The following MAGI1 variants were observed in gnomAD, a reference collection of about 807,000 sequenced individuals.
MAGI1 encodes membrane associated guanylate kinase, WW and PDZ domain containing 1.
A neutral mutation model predicts 139.9 loss-of-function variants in MAGI1; 58 were observed. The ratio of observed to expected loss-of-function variants is 0.41; its 90% CI spans 0.34 to 0.52. MAGI1 has a LOEUF of 0.52. Among genes scored for constraint, MAGI1 ranks in the 20% least tolerant of loss-of-function variants. MAGI1 has a pLI of 0.12. For missense variants in MAGI1, 1,874 were observed against 1,901.6 expected (o/e 0.99, Z 0.27); for synonymous variants, 812 against 737.9 (o/e 1.10, Z -1.63).
At chr3:65,547,184 C>T (rs11715436) in intron 2 of MAGI1, among the ~76,000 whole-genome samples, 21,235 of 152,134 alleles carry the variant, frequency 0.14, 1,533 homozygotes, top group Admixed American at 0.17. Flanking sequence ...CTGTTTTAAG[C>T]GCATCTCTTA....
At chr3:65,617,498 G>A (rs1215393705) in intron 2 of MAGI1, among the ~76,000 whole-genome samples, 1 of 152,164 alleles carries the variant, frequency 6.6e-6, no homozygotes, top group Non-Finnish European at 1.5e-5. Flanking sequence ...AGGACAAGAA[G>A]TCATAAAACA....
chr3:65,916,858 G>C (rs750855054), intron 1 of MAGI1, among the ~76,000 whole-genome samples: 29 of 151,960 alleles, frequency 1.9e-4, no homozygotes, highest in Non-Finnish European at 3.8e-4. Context: ...GAAATAATGA[G>C]GATAGGAGAA....
At chr3:65,729,971 A>G (rs1233678273) in intron 1 of MAGI1, among the ~76,000 whole-genome samples, 3 of 152,174 alleles carry the variant, frequency 2.0e-5, no homozygotes, top group Non-Finnish European at 2.9e-5. Context: ...CTGTGACTAA[A>G]CATTTTGGGG....
chr3:65,960,008 CG>C (rs1162435084), intron 1 of MAGI1, among the ~76,000 whole-genome samples: 1 of 151,164 alleles, frequency 6.6e-6, no homozygotes, highest in African/African-American at 2.4e-5. Context: ...AGGGTTTTAC[CG>C]TGTTAGCCAG....
chr3:65,944,716 C>T (rs1469818313), intron 1 of MAGI1, among the ~76,000 whole-genome samples: 1 of 152,044 alleles, frequency 6.6e-6, no homozygotes, highest in Non-Finnish European at 1.5e-5. Flanking sequence ...AGAAGTATGA[C>T]CAGCTCACCA....
At chr3:65,654,348 C>T (rs12636781) in intron 1 of MAGI1, among the ~76,000 whole-genome samples, 1 of 152,128 alleles carries the variant, frequency 6.6e-6, no homozygotes, top group Non-Finnish European at 1.5e-5. Flanking sequence ...ATATACAAAA[C>T]TGAGGGCGTA....
At chr3:65,836,026 AT>A (rs2042786144) in intron 1 of MAGI1, among the ~76,000 whole-genome samples, 1 of 151,944 alleles carries the variant, frequency 6.6e-6, no homozygotes, top group Non-Finnish European at 1.5e-5. Flanking sequence ...TGAGGACCCA[AT>A]GTCAAGGCAC....
chr3:65,755,210 A>G (rs2036470402), intron 1 of MAGI1, among the ~76,000 whole-genome samples: 3 of 152,150 alleles, frequency 2.0e-5, no homozygotes, highest in Admixed American at 2.0e-4. Flanking sequence ...AGCCTCCCAA[A>G]GTGCTGGGAT....
chr3:65,697,070 C>T (rs1475056815), intron 1 of MAGI1, among the ~76,000 whole-genome samples: 2 of 152,152 alleles, frequency 1.3e-5, no homozygotes, highest in African/African-American at 2.4e-5. Context: ...GAAATACAAA[C>T]TACCATCAGA....
At chr3:65,413,222 G>T (rs150970508) in intron 12 of MAGI1, among the ~76,000 whole-genome samples, 51 of 152,300 alleles carry the variant, frequency 3.3e-4, no homozygotes, top group African/African-American at 1.0e-3. Flanking sequence ...TTGCTCTGGA[G>T]GGGGGTACAT....
chr3:65,944,280 C>T (rs1015102939), intron 1 of MAGI1, among the ~76,000 whole-genome samples: 5 of 152,116 alleles, frequency 3.3e-5, no homozygotes, highest in African/African-American at 1.2e-4. Context: ...CTTTGGAAGG[C>T]AGAGGCAGGA....
chr3:65,508,407 A>AAAAAAT (rs2077397133), intron 2 of MAGI1, among the ~76,000 whole-genome samples: 1 of 152,152 alleles, frequency 6.6e-6, no homozygotes, highest in African/African-American at 2.4e-5. Flanking sequence ...CTGTCTCAAA[A>AAAAAAT]AAAAATAAAA....
Position 65,886,731 on chromosome 3 carries a change from G to A in MAGI1, c.313+151265C>T, listed in dbSNP as rs575679489. 1.3e-4 allele frequency among the ~76,000 whole-genome samples: 20 copies of A among 152,324 alleles called. No homozygotes were observed. The South Asian group carries it at 1.4e-3, about 11-fold the overall frequency. On this transcript the variant is annotated intron_variant, in intron 1 of 22. Transcript: ENST00000402939. ...CCCAACCTTGCAGAATCACAGTAGC[G>A]TAGGACTGTTACATGGCTAGACCGT...
At chr3:65,978,153 T>C (rs1205674791) in intron 1 of MAGI1, among the ~76,000 whole-genome samples, 1 of 152,210 alleles carries the variant, frequency 6.6e-6, no homozygotes, top group Non-Finnish European at 1.5e-5. Flanking sequence ...TATGGAAAAT[T>C]TACTATGTGA....
At chr3:65,777,592 T>C (rs373882061) in intron 1 of MAGI1, among the ~76,000 whole-genome samples, 19 of 149,332 alleles carry the variant, frequency 1.3e-4, no homozygotes, top group Middle Eastern at 7.0e-3. Context: ...TGAGCCATGA[T>C]TGTTGTGCCA....
At chr3:65,882,558 G>A (rs1244969301) in intron 1 of MAGI1, among the ~76,000 whole-genome samples, 1 of 151,828 alleles carries the variant, frequency 6.6e-6, no homozygotes, top group Non-Finnish European at 1.5e-5. Context: ...TCCTCAACTG[G>A]GGGGAAAAAA....
intron 1 of MAGI1, among the ~76,000 whole-genome samples, chr3:65,772,511 G>A (rs1014644029): frequency 2.0e-5 from 3 of 152,206 alleles, no homozygotes; most frequent in Non-Finnish European, 4.4e-5. Context: ...TCTCTGCAGA[G>A]AATGATCATG....
chr3:65,423,395 C>A (rs922633554), intron 12 of MAGI1, among the ~76,000 whole-genome samples: 1 of 152,158 alleles, frequency 6.6e-6, no homozygotes, highest in African/African-American at 2.4e-5. Flanking sequence ...CACACACACA[C>A]ACACAGAGAA....
intron 1 of MAGI1, among the ~76,000 whole-genome samples, chr3:65,986,585 T>C (rs2065890673): frequency 6.6e-6 from 1 of 152,182 alleles, no homozygotes; most frequent in Non-Finnish European, 1.5e-5. Context: ...TCAAGATGTG[T>C]GCAGGCCTTA....
Sources: gnomAD v4.1 joint callset for allele counts (sites outside exome capture counted in the v4.1 genomes callset) on GRCh38, gnomAD v4.1.1 for gene constraint, MANE v1.5 for transcripts, NCBI Gene and HGNC (gene_info 2026-07-23, HGNC 2026-07-21) for gene names.